Variants in IL20RB observed in about 807,000 individuals in gnomAD.
The protein encoded by IL20RB is interleukin 20 receptor subunit beta.
IL20RB carries 21 observed loss-of-function variants against 33.3 expected under a neutral mutation model. The observed-to-expected ratio is 0.63, with a 90% confidence interval of 0.45 to 0.91. The LOEUF is 0.91. Ranked by LOEUF, IL20RB falls within the 40% of genes least tolerant of loss-of-function variation. The probability of loss-of-function intolerance (pLI) is 0.00; values close to 1 mark genes in which losing one functional copy is unlikely to be tolerated. For synonymous variants in IL20RB, 147 were observed against 146.8 expected, an observed-to-expected ratio of 1.00 and a Z score of -0.01; for missense variants, 345 against 384.8, an observed-to-expected ratio of 0.90 and a Z score of 0.86.
Position 137,007,485 on chromosome 3 carries a change from C to G in IL20RB, c.826-2628C>G, listed in dbSNP as rs1239759184. 3.9e-5 allele frequency among the ~76,000 whole-genome samples: 6 copies of G among 152,204 alleles called. No individual in the cohort carries two copies. In the East Asian group the frequency reaches 1.2e-3, roughly 29 times the overall value. ...GGCTGCTTTGTTTACCTACTCAAGC[C>G]TCAGCAATGGCAGATGCCCCTCCCC... On this transcript the variant is annotated intron_variant, in intron 6 of 6. Coordinates refer to ENST00000329582, the MANE Select transcript of IL20RB (RefSeq NM_144717.4).
At chr3:136,962,483 G>A (rs1046667830) in intron 1 of IL20RB, among the ~76,000 whole-genome samples, 1 of 152,224 alleles carries the variant, frequency 6.6e-6, no homozygotes. Context: ...GCCAGGCGTG[G>A]TGGCTCATGC....
chr3:136,971,313 T>C (rs1357485771), intron 1 of IL20RB, among the ~76,000 whole-genome samples: 1 of 152,142 alleles, frequency 6.6e-6, no homozygotes, highest in Non-Finnish European at 1.5e-5. Flanking sequence ...GTATTTTTAG[T>C]AGAGATGGGA....
chr3:136,982,188 A>T lies in IL20RB; in HGVS notation c.244A>T (p.Ile82Phe), dbSNP rs1388359439. 1.9e-6 allele frequency: 3 copies of T among 1,597,000 alleles called. No homozygotes were observed. In the African/African-American group the frequency reaches 4.0e-5, roughly 21 times the overall value. ...GTACGAGAGCCTGTACACGAGCCAC[A>T]TCTGGATCCCCAGCAGCTGGTGCTC... Reference protein sequence around the residue: ...GEYESLYTSHIWIPSSWCSLT... With the variant: ...GEYESLYTSHFWIPSSWCSLT... The change falls in exon 3 of 7, where the codon ATC (isoleucine) becomes TTC (phenylalanine). Residue 82 changes from isoleucine to phenylalanine, a missense_variant. Coordinates refer to ENST00000329582, the MANE Select transcript of IL20RB (RefSeq NM_144717.4).
intron 1 of IL20RB, 21 bp from the exon 2 acceptor site, chr3:136,980,445 G>A (rs373912295): frequency 4.3e-6 from 7 of 1,613,940 alleles, no homozygotes; most frequent in Non-Finnish European, 5.9e-6. Context: ...CTGTCAGCCA[G>A]GCTATCTGCC....
At chr3:137,002,345 G>A (rs550611838) in intron 6 of IL20RB, among the ~76,000 whole-genome samples, 37 of 152,276 alleles carry the variant, frequency 2.4e-4, no homozygotes, top group Middle Eastern at 3.4e-3. Flanking sequence ...TTGAGGAATT[G>A]CCACACTGTC....
intron 1 of IL20RB, among the ~76,000 whole-genome samples, chr3:136,966,601 G>T (rs1425037465): frequency 4.9e-5 from 4 of 81,204 alleles, no homozygotes; most frequent in African/African-American, 1.5e-4. Flanking sequence ...TTCTTTATTA[G>T]TCTTGCTAGC....
At position 136,992,078 on chromosome 3, in the gene IL20RB, G is replaced by T. The variant is rs1460495724; in HGVS notation, c.672G>T (p.Val224=). The part of the protein sequence containing the change: ...RYSAFSQTEC[V]EVQGEAIPLV... The stretch of plus-strand genomic sequence containing the variant: ...GCGCCTTCAGCCAGACAGAATGTGT[G>T]GAGGTGCAAGGTAAGGATGGCTTCT... Residue 224 remains valine, a synonymous_variant, in exon 5 of 7, where the codon GTG becomes GTT. Transcript: ENST00000329582. 6.2e-7 allele frequency: 1 copy of T among 1,614,014 alleles called. No individual in the cohort carries two copies. Among genetic ancestry groups the T allele is most frequent in the Non-Finnish European group, 8.5e-7 (1 of 1,180,002 alleles).
At chr3:137,005,031 A>G (rs1942325011) in intron 6 of IL20RB, among the ~76,000 whole-genome samples, 1 of 152,178 alleles carries the variant, frequency 6.6e-6, no homozygotes. Flanking sequence ...TTTACCCAGT[A>G]GTCATTCAGG....
chr3:136,959,304 C>T (rs1197591407), intron 1 of IL20RB: 1 of 152,178 alleles, frequency 6.6e-6, no homozygotes, highest in East Asian at 1.9e-4. Context: ...TATAATTTCC[C>T]ACCAGAAGCA....
Position 137,010,094 on chromosome 3 carries a change from A to T in IL20RB, c.826-19A>T. On this transcript the variant is annotated intron_variant, in intron 6 of 6. Coordinates refer to ENST00000329582, the MANE Select transcript of IL20RB (RefSeq NM_144717.4). The stretch of plus-strand genomic sequence containing the variant: ...CTACTGCTATCCTCTAATGAATATT[A>T]ATGAAAATTATTTTTCAGAAAATAA... 2 of 1,144,262 alleles carry T rather than the reference A, an allele frequency of 1.7e-6. No individual in the cohort carries two copies. The highest frequency in any genetic ancestry group is 2.7e-6 in the Non-Finnish European group (2 of 750,448). The allele number at this position is 1,144,262 out of a possible 1,614,324, so 70.9% of individuals were successfully genotyped here. A position where few individuals can be genotyped will look rare whatever the true frequency, so the allele number is the denominator to read the frequency against.
At chr3:136,987,914 A>C (rs1288325558) in intron 3 of IL20RB, among the ~76,000 whole-genome samples, 1 of 152,012 alleles carries the variant, frequency 6.6e-6, no homozygotes, top group Admixed American at 6.5e-5. Context: ...CCCACCCGGA[A>C]CTCCAGCTGG....
chr3:137,010,385 G>A lies in IL20RB; in HGVS notation c.*162G>A. On this transcript the variant is annotated 3_prime_UTR_variant, in exon 7 of 7. Coordinates refer to ENST00000329582, the MANE Select transcript of IL20RB (RefSeq NM_144717.4). Reference sequence around the variant, plus strand: ...AGAAGCAACCATCAGAGGCAGGGTGGTTTGTCTAACAGAACACTGACTGAG... The same window carrying A: ...AGAAGCAACCATCAGAGGCAGGGTGATTTGTCTAACAGAACACTGACTGAG... 1 of 576,736 alleles carries A rather than the reference G, an allele frequency of 1.7e-6. No homozygotes were observed. Among genetic ancestry groups the A allele is most frequent in the Non-Finnish European group, 3.2e-6 (1 of 316,434 alleles). 35.7% of individuals were successfully genotyped at this position (576,736 alleles called of 1,614,324 possible). A position where few individuals can be genotyped will look rare whatever the true frequency, so the allele number is the denominator to read the frequency against.
At chr3:136,973,195 T>C (rs1682356) in intron 1 of IL20RB, among the ~76,000 whole-genome samples, 70,343 of 151,858 alleles carry the variant, frequency 0.46, 16,807 homozygotes, top group East Asian at 0.7. Flanking sequence ...TTTTAAAAAT[T>C]TGTTGGCTGG....
chr3:136,999,412 T>A (rs933938927), intron 6 of IL20RB, among the ~76,000 whole-genome samples: 1 of 152,132 alleles, frequency 6.6e-6, no homozygotes, highest in Non-Finnish European at 1.5e-5. Flanking sequence ...AATTATTTTA[T>A]TTTTTTGTAG....
At chr3:136,983,380 G>A (rs1244114525) in intron 3 of IL20RB, among the ~76,000 whole-genome samples, 1 of 152,174 alleles carries the variant, frequency 6.6e-6, no homozygotes, top group African/African-American at 2.4e-5. Flanking sequence ...GAGCCATGGC[G>A]CCCGGCCGAC....
intron 3 of IL20RB, among the ~76,000 whole-genome samples, chr3:136,985,175 A>G (rs979077160): frequency 6.6e-6 from 1 of 152,166 alleles, no homozygotes; most frequent in African/African-American, 2.4e-5. Context: ...ATACGGTTCT[A>G]TGATATCCAA....
intron 1 of IL20RB, among the ~76,000 whole-genome samples, chr3:136,978,959 T>G (rs908238303): frequency 1.3e-5 from 2 of 152,190 alleles, no homozygotes; most frequent in Non-Finnish European, 2.9e-5. Flanking sequence ...ATTAATAAAT[T>G]GATTTGTTGA....
chr3:137,008,625 C>G lies in IL20RB; in HGVS notation c.826-1488C>G, dbSNP rs552876565. Among the ~76,000 whole-genome samples the G allele has an allele frequency of 3.3e-5, 5 of 152,232 alleles. No individual in the cohort carries two copies. In the South Asian group the frequency reaches 1.0e-3, roughly 32 times the overall value. ...TTTACATTAATGTGCTAGAACTGCACTGTCTAATACAGTAGCCACTAGTCA... is the reference window on the plus strand; with the variant it reads ...TTTACATTAATGTGCTAGAACTGCAGTGTCTAATACAGTAGCCACTAGTCA... On this transcript the variant is annotated intron_variant, in intron 6 of 6. Coordinates refer to ENST00000329582, the MANE Select transcript of IL20RB (RefSeq NM_144717.4).
At chr3:136,999,552 C>T (rs909738459) in intron 6 of IL20RB, among the ~76,000 whole-genome samples, 2 of 130,268 alleles carry the variant, frequency 1.5e-5, no homozygotes, top group Non-Finnish European at 3.2e-5. Context: ...CATATTTCTT[C>T]AGGTATTTTT....
Sources: gnomAD v4.1 joint callset for allele counts (sites outside exome capture counted in the v4.1 genomes callset) on GRCh38, gnomAD v4.1.1 for gene constraint, MANE v1.5 for transcripts, NCBI Gene and HGNC (gene_info 2026-07-23, HGNC 2026-07-21) for gene names.